XIRP2: variants seen among roughly 807,000 people sequenced by gnomAD.
XIRP2 encodes the protein xin actin binding repeat containing 2, also known as xin actin-binding repeat-containing protein 2.
A neutral mutation model predicts 277.0 loss-of-function variants in XIRP2; 236 were observed. The observed-to-expected ratio is 0.85, with a 90% CI of 0.77 to 0.95. XIRP2 has a LOEUF of 0.95. XIRP2 is among the 40% of genes least tolerant of loss of function. XIRP2 has a pLI of 0.00. For synonymous variants in XIRP2, 1,490 were observed against 1,416.5 expected (o/e 1.05, Z -1.17); for missense variants, 4,640 against 4,157.5 (o/e 1.12, Z -3.19).
chr2:166,910,019 T>C (rs1684654648), intron 2 of XIRP2, among the ~76,000 whole-genome samples: 1 of 152,216 alleles, frequency 6.6e-6, no homozygotes, highest in African/African-American at 2.4e-5. Flanking sequence ...TTTGCCAGTA[T>C]TTTACTGAGG....
At chr2:167,213,366 C>T (rs1475429673) in intron 4 of XIRP2, among the ~76,000 whole-genome samples, 1 of 152,092 alleles carries the variant, frequency 6.6e-6, no homozygotes, top group African/African-American at 2.4e-5. Flanking sequence ...ATTGTCAGGG[C>T]TGGAATTAGA....
At chr2:167,037,039 C>T (rs1481365189) in intron 2 of XIRP2, among the ~76,000 whole-genome samples, 1 of 152,066 alleles carries the variant, frequency 6.6e-6, no homozygotes, top group Non-Finnish European at 1.5e-5. Flanking sequence ...TTTTTCTTCC[C>T]AGTCTCAGGT....
At chr2:167,201,257 A>G (rs1303691175) in intron 3 of XIRP2, among the ~76,000 whole-genome samples, 1,921 of 95,910 alleles carry the variant, frequency 0.02, 131 homozygotes, top group African/African-American at 0.083. Flanking sequence ...AAAGAAAGAA[A>G]GAAAGAGAGA....
chr2:166,909,906 G>T lies in XIRP2; in HGVS notation c.408+6016G>T, dbSNP rs1325166706. ...TATCTTTGGTTCTGTTTATATGCTG[G>T]ATTACATTTACTGATTTGCGTATGT... On this transcript the variant is annotated intron_variant, in intron 2 of 10. Coordinates refer to ENST00000409195, the MANE Select transcript of XIRP2 (RefSeq NM_152381.6). Among the ~76,000 whole-genome samples the T allele has an allele frequency of 6.6e-5, 10 of 152,248 alleles. No homozygotes were observed. In the East Asian group the frequency reaches 1.9e-3, roughly 29 times the overall value.
intron 3 of XIRP2, among the ~76,000 whole-genome samples, chr2:167,156,416 A>G (rs1692197801): frequency 6.6e-6 from 1 of 152,214 alleles, no homozygotes; most frequent in East Asian, 1.9e-4. Context: ...AACTAGTTTT[A>G]ACAGCAATTT....
chr2:166,924,447 C>T (rs1203307016), intron 2 of XIRP2, among the ~76,000 whole-genome samples: 2 of 151,948 alleles, frequency 1.3e-5, no homozygotes, highest in Admixed American at 6.6e-5. Flanking sequence ...AAACTGATAA[C>T]AAGTGTATCA....
At chr2:167,065,548 G>T (rs1689281586) in intron 2 of XIRP2, among the ~76,000 whole-genome samples, 1 of 151,404 alleles carries the variant, frequency 6.6e-6, no homozygotes. Context: ...TTTCGTTGTT[G>T]CTGTTATTGC....
intron 2 of XIRP2, among the ~76,000 whole-genome samples, chr2:167,025,370 G>C (rs573026885): frequency 1.1e-4 from 16 of 151,992 alleles, no homozygotes; most frequent in Non-Finnish European, 1.5e-4. Context: ...TCTTGCTAGC[G>C]GTCTGTCAAT....
At chr2:167,029,529 ACCAG>A (rs1294038346) in intron 2 of XIRP2, among the ~76,000 whole-genome samples, 1 of 152,082 alleles carries the variant, frequency 6.6e-6, no homozygotes, top group Non-Finnish European at 1.5e-5. Flanking sequence ...CATATGTTGA[ACCAG>A]CCTTGCATCC....
At chr2:167,034,040 G>A (rs1269999729) in intron 2 of XIRP2, among the ~76,000 whole-genome samples, 1 of 152,114 alleles carries the variant, frequency 6.6e-6, no homozygotes, top group African/African-American at 2.4e-5. Flanking sequence ...AAGAATACAA[G>A]AGGAAACTGT....
At chr2:167,045,568 A>T (rs1688765616) in intron 2 of XIRP2, among the ~76,000 whole-genome samples, 2 of 151,922 alleles carry the variant, frequency 1.3e-5, no homozygotes, top group African/African-American at 4.8e-5. Flanking sequence ...ACAGTAAAAA[A>T]TGGGCAAAGG....
intron 3 of XIRP2, among the ~76,000 whole-genome samples, chr2:167,144,501 AT>A (rs1691811853): frequency 6.6e-6 from 1 of 152,104 alleles, no homozygotes. Flanking sequence ...AAAAAAAAAA[AT>A]CAGATTTTGC....
chr2:166,899,052 T>A (rs1353853884), intron 1 of XIRP2, among the ~76,000 whole-genome samples: 1 of 152,150 alleles, frequency 6.6e-6, no homozygotes, highest in African/African-American at 2.4e-5. Flanking sequence ...TAAGTTTGTC[T>A]TCTCCGTTCC....
At chr2:167,239,669 A>G (rs527640194) in intron 5 of XIRP2, among the ~76,000 whole-genome samples, 186 bp from the exon 6 acceptor site, 5 of 152,370 alleles carry the variant, frequency 3.3e-5, no homozygotes, top group South Asian at 4.1e-4. Context: ...CTATAGAAGT[A>G]TAAGATCCTA....
chr2:167,225,421 C>T (rs561882484), intron 5 of XIRP2, among the ~76,000 whole-genome samples: 7 of 152,084 alleles, frequency 4.6e-5, no homozygotes, highest in East Asian at 1.9e-4. Context: ...GAAAAATCTA[C>T]CTTGTAACAT....
At chr2:166,942,367 G>T (rs1224216914) in intron 2 of XIRP2, among the ~76,000 whole-genome samples, 1 of 152,138 alleles carries the variant, frequency 6.6e-6, no homozygotes, top group Non-Finnish European at 1.5e-5. Flanking sequence ...TGCTTTCATA[G>T]GTATTACTTC....
intron 2 of XIRP2, among the ~76,000 whole-genome samples, chr2:167,010,729 A>G (rs1056623955): frequency 4.0e-5 from 6 of 151,848 alleles, no homozygotes; most frequent in African/African-American, 1.2e-4. Context: ...ATTTGTTTGT[A>G]TCCTCTTTTA....
At chr2:167,138,070 AAC>A (rs1302352221) in intron 3 of XIRP2, among the ~76,000 whole-genome samples, 2 of 152,196 alleles carry the variant, frequency 1.3e-5, no homozygotes, top group Non-Finnish European at 2.9e-5. Flanking sequence ...CAAAAAGATA[AAC>A]ACATGTTTCT....
rs557098934 is a variant in XIRP2, at chr2:167,246,505, C to T, written c.5113C>T (p.Arg1705Cys). Reference sequence around the variant, plus strand: ...TGAAAATGATGGTGACACAATTGAGCGTGAAGAAGTAATAGGTGGTGATGT... The same window carrying T: ...TGAAAATGATGGTGACACAATTGAGTGTGAAGAAGTAATAGGTGGTGATGT... ...LHENDGDTIE[R>C]EEVIGGDVKR... The change falls in exon 9 of 11, where the codon CGT becomes TGT. Residue 1705 changes from arginine to cysteine, a missense_variant. Physicochemically the swap from Arg to Cys is radical, Grantham distance 180. Transcript: ENST00000409195. 13 of 1,613,478 alleles carry T rather than the reference C, an allele frequency of 8.1e-6. No individual in the cohort carries two copies. The highest frequency in any genetic ancestry group is 1.7e-4 in the Middle Eastern group (1 of 6,056).
Sources: gnomAD v4.1 joint callset for allele counts (sites outside exome capture counted in the v4.1 genomes callset) on GRCh38, gnomAD v4.1.1 for gene constraint, MANE v1.5 for transcripts, NCBI Gene and HGNC (gene_info 2026-07-23, HGNC 2026-07-21) for gene names.